Variants in SEL1L2 observed in about 807,000 individuals in gnomAD.
The protein encoded by SEL1L2 is SEL1L2 adaptor subunit of SYVN1 ubiquitin ligase, also known as protein sel-1 homolog 2.
SEL1L2 carries 89 observed loss-of-function variants against 98.8 expected under a neutral mutation model. The observed-to-expected ratio is 0.90, with a 90% CI of 0.76 to 1.07. The LOEUF is 1.07. SEL1L2 is among the 50% of genes least tolerant of loss of function. The pLI is 0.00. For synonymous variants in SEL1L2, 262 were observed against 278.5 expected, an observed-to-expected ratio of 0.94 and a Z score of 0.59; for missense variants, 788 against 812.0, an observed-to-expected ratio of 0.97 and a Z score of 0.36.
At chr20:13,976,545 C>T (rs1157375892) in intron 1 of SEL1L2, among the ~76,000 whole-genome samples, 2 of 152,136 alleles carry the variant, frequency 1.3e-5, no homozygotes, top group East Asian at 1.9e-4. Context: ...AAATAAAATA[C>T]GTGTGTAGCT....
rs73265400 is a variant in SEL1L2 at position 13,945,244 on chromosome 20, G to A, written c.114+10832C>T. Among the ~76,000 whole-genome samples, 240 of 152,266 alleles carry A rather than the reference G, an allele frequency of 1.6e-3. 1 individual carries two copies. Among genetic ancestry groups the A allele is most frequent in the African/African-American group, 5.3e-3 (222 of 41,550 alleles). On this transcript the variant is annotated intron_variant, in intron 2 of 19. Transcript: ENST00000284951. ...TTCATTAGTTTGGTGCTCAAAATCAGTTGGTGTGAAAACTTGACCTGACCT... is the reference window on the plus strand; with the variant it reads ...TTCATTAGTTTGGTGCTCAAAATCAATTGGTGTGAAAACTTGACCTGACCT...
intron 13 of SEL1L2, 81 bp from the exon 14 acceptor site, chr20:13,869,671 G>A (rs1198753661): frequency 1.0e-6 from 1 of 969,612 alleles, no homozygotes; most frequent in Non-Finnish European, 1.7e-6. Context: ...CTTAAAAAGA[G>A]TATAGACAGT....
chr20:13,958,637 A>G (rs1048312859), intron 1 of SEL1L2, among the ~76,000 whole-genome samples: 1 of 152,136 alleles, frequency 6.6e-6, no homozygotes, highest in Admixed American at 6.6e-5. Context: ...TGGTGGTTCA[A>G]GAAGTTCTGC....
intron 4 of SEL1L2, among the ~76,000 whole-genome samples, chr20:13,917,948 C>T (rs11697293): frequency 0.03 from 4,519 of 151,628 alleles, 85 homozygotes; most frequent in African/African-American, 0.057. Flanking sequence ...TACAGGTGCG[C>T]GCCATCATGT....
intron 10 of SEL1L2, among the ~76,000 whole-genome samples, chr20:13,881,237 C>A (rs1245663255): frequency 2.0e-5 from 3 of 152,190 alleles, no homozygotes. Context: ...TGGTCTCAAT[C>A]TCTTGACCTC....
At chr20:13,877,714 A>C (rs978191027) in intron 10 of SEL1L2, 126 bp from the exon 11 acceptor site, 1 of 694,108 alleles carries the variant, frequency 1.4e-6, no homozygotes, top group Non-Finnish European at 2.4e-6. Flanking sequence ...GAGCTTAAAA[A>C]AAATCTGTGA....
chr20:13,956,175 T>G, intron 1 of SEL1L2, 44 bp from the exon 2 acceptor site: 1 of 1,017,942 alleles, frequency 9.8e-7, no homozygotes, highest in Non-Finnish European at 1.4e-6. Flanking sequence ...AAGCATTTTC[T>G]TTTTAAAATT....
intron 1 of SEL1L2, among the ~76,000 whole-genome samples, chr20:13,976,308 T>TG (rs2051534047): frequency 6.6e-6 from 1 of 152,086 alleles, no homozygotes; most frequent in Non-Finnish European, 1.5e-5. Context: ...ACTGTTTTTT[T>TG]TTGTTGTTGT....
intron 1 of SEL1L2, among the ~76,000 whole-genome samples, chr20:13,964,446 C>CTTTTTTTTTTTTTTTTTTTTTTTTTT (rs568049752): frequency 1.9e-5 from 2 of 105,362 alleles, no homozygotes; most frequent in Non-Finnish European, 3.7e-5. Context: ...GCTATCTCTT[C>CTTTTTTTTTTTTTTTTTTTTTTTTTT]ATTTTTTTTT....
intron 5 of SEL1L2, among the ~76,000 whole-genome samples, chr20:13,911,143 T>C (rs2048189481): frequency 1.3e-5 from 2 of 152,226 alleles, no homozygotes; most frequent in South Asian, 4.1e-4. Flanking sequence ...CCCTCTTCTG[T>C]GACTAAAGCA....
At chr20:13,980,878 C>A (rs776070270) in intron 1 of SEL1L2, among the ~76,000 whole-genome samples, 11 of 152,048 alleles carry the variant, frequency 7.2e-5, no homozygotes, top group Non-Finnish European at 1.6e-4. Context: ...ATGAAATAAG[C>A]CAGGAAGTGA....
chr20:13,929,487 C>CTCT (rs2049037010), intron 3 of SEL1L2, among the ~76,000 whole-genome samples: 14 of 73,312 alleles, frequency 1.9e-4, no homozygotes, highest in Admixed American at 4.8e-4. Context: ...TTGCCTTTGC[C>CTCT]TTTTTTTTTT....
intron 1 of SEL1L2, among the ~76,000 whole-genome samples, chr20:13,985,064 C>G (rs2148570623): frequency 6.6e-6 from 1 of 152,210 alleles, no homozygotes; most frequent in South Asian, 2.1e-4. Context: ...TTTAGCTATA[C>G]TGTTGTATCA....
intron 2 of SEL1L2, among the ~76,000 whole-genome samples, chr20:13,952,757 C>T (rs540629120): frequency 4.3e-3 from 299 of 70,254 alleles, no homozygotes; most frequent in Non-Finnish European, 3.6e-3. Context: ...TGGCTGGGCG[C>T]GGTGCCTGGA....
intron 5 of SEL1L2, among the ~76,000 whole-genome samples, chr20:13,909,574 A>C (rs936873686): frequency 1.3e-5 from 2 of 152,148 alleles, no homozygotes; most frequent in African/African-American, 4.8e-5. Context: ...GATCATGTGA[A>C]GTTTTGGGGC....
intron 3 of SEL1L2, among the ~76,000 whole-genome samples, chr20:13,926,508 G>A (rs958701283): frequency 4.6e-5 from 7 of 152,082 alleles, no homozygotes; most frequent in Non-Finnish European, 1.0e-4. Flanking sequence ...CTCAGGTTAG[G>A]GTTAGATGAT....
At chr20:13,902,501 C>T (rs1052445643) in intron 5 of SEL1L2, among the ~76,000 whole-genome samples, 2 of 152,118 alleles carry the variant, frequency 1.3e-5, no homozygotes, top group African/African-American at 2.4e-5. Context: ...CAGTCCATTG[C>T]GATCATTATT....
chr20:13,865,138 A>G, intron 17 of SEL1L2, 29 bp downstream of exon 17: 1 of 1,562,656 alleles, frequency 6.4e-7, no homozygotes, highest in Non-Finnish European at 8.8e-7. Context: ...GGGACCGGGT[A>G]TGTGCTTATT....
rs866869633 is a variant in SEL1L2 at position 13,945,569 on chromosome 20, G to T, written c.114+10507C>A. Among the ~76,000 whole-genome samples the T allele has an allele frequency of 3.0e-4, 46 of 151,756 alleles. 1 individual carries two copies. The highest frequency in any genetic ancestry group is 1.1e-3 in the African/African-American group (46 of 41,314). The stretch of plus-strand genomic sequence containing the variant: ...CACTCTTCCAAAAAATTGCAGAGGA[G>T]GGAACACTTTCAAACTTATTCTATG... On this transcript the variant is annotated intron_variant, in intron 2 of 19. Transcript: ENST00000284951.
Sources: allele counts gnomAD v4.1 joint callset (sites outside exome capture counted in the v4.1 genomes callset), GRCh38; gene constraint gnomAD v4.1.1; transcripts MANE v1.5; gene names NCBI Gene and HGNC (gene_info 2026-07-23, HGNC 2026-07-21).